SMIM36: variants seen among roughly 807,000 people sequenced by gnomAD.
The protein encoded by SMIM36 is small integral membrane protein 36.
chr17:55,455,819 C>CA (rs1321634523), intron 4 of SMIM36, among the ~76,000 whole-genome samples: 1 of 150,832 alleles, frequency 6.6e-6, no homozygotes, highest in Non-Finnish European at 1.5e-5. Context: ...AACAAACAAA[C>CA]AAAAACAAAA....
At chr17:55,483,646 G>T (rs893456115) in intron 1 of SMIM36, among the ~76,000 whole-genome samples, 5 of 152,098 alleles carry the variant, frequency 3.3e-5, no homozygotes, top group African/African-American at 1.2e-4. Context: ...CCCCAAAACT[G>T]TGTGAACTAA....
intron 1 of SMIM36, among the ~76,000 whole-genome samples, chr17:55,510,404 A>G (rs537276107): frequency 6.6e-6 from 1 of 152,254 alleles, no homozygotes; most frequent in African/African-American, 2.4e-5. Flanking sequence ...CAGGAGTTCA[A>G]TACCAGCCTG....
chr17:55,505,900 A>G (rs530376603), intron 1 of SMIM36, among the ~76,000 whole-genome samples: 2,307 of 99,810 alleles, frequency 0.023, 44 homozygotes, highest in African/African-American at 0.049. Flanking sequence ...AAATAAATGT[A>G]CAAAAATCAC....
intron 1 of SMIM36, among the ~76,000 whole-genome samples, chr17:55,487,979 T>G (rs1909636755): frequency 6.6e-6 from 1 of 152,320 alleles, no homozygotes; most frequent in East Asian, 1.9e-4. Flanking sequence ...TGCTGGAAAC[T>G]TCTGAAAACC....
At chr17:55,501,266 A>AAT (rs1287709436) in intron 1 of SMIM36, among the ~76,000 whole-genome samples, 29 of 41,486 alleles carry the variant, frequency 7.0e-4, no homozygotes, top group African/African-American at 1.2e-3. Context: ...TATATTTTAT[A>AAT]ATATATTATA....
intron 1 of SMIM36, among the ~76,000 whole-genome samples, chr17:55,485,667 T>C (rs1408795161): frequency 6.6e-6 from 1 of 152,386 alleles, no homozygotes; most frequent in Middle Eastern, 3.4e-3. Context: ...ATTTATAGTT[T>C]ATAGAATAAT....
At chr17:55,501,937 C>T (rs1177355461) in intron 1 of SMIM36, among the ~76,000 whole-genome samples, 1 of 147,780 alleles carries the variant, frequency 6.8e-6, no homozygotes, top group African/African-American at 2.5e-5. Context: ...AGGGAGTTCC[C>T]TTTCCGAGTC....
the SMIM36 span, among the ~76,000 whole-genome samples, chr17:55,531,593 G>A: frequency 2.2e-4 from 34 of 152,188 alleles, no homozygotes; most frequent in Admixed American, 1.1e-3. Context: ...AGGTGGACAT[G>A]TTTTTATGTA....
intron 1 of SMIM36, among the ~76,000 whole-genome samples, chr17:55,502,352 T>C (rs1465688086): frequency 9.7e-6 from 1 of 103,506 alleles, no homozygotes; most frequent in Non-Finnish European, 1.9e-5. Flanking sequence ...GAGCAGTGGT[T>C]CTCCCAGCAT....
At chr17:55,463,152 A>G (rs1598447823) in intron 4 of SMIM36, among the ~76,000 whole-genome samples, 1 of 152,172 alleles carries the variant, frequency 6.6e-6, no homozygotes, top group South Asian at 2.1e-4. Flanking sequence ...TGGATACCTT[A>G]AACTTTATGT....
chr17:55,520,660 A>G, the SMIM36 span, among the ~76,000 whole-genome samples: 12 of 152,174 alleles, frequency 7.9e-5, no homozygotes, highest in African/African-American at 2.9e-4. Flanking sequence ...ATGAGATTGC[A>G]TCAGGATGCT....
intron 3 of SMIM36, among the ~76,000 whole-genome samples, chr17:55,472,672 A>G (rs1909359893): frequency 6.6e-6 from 1 of 152,148 alleles, no homozygotes; most frequent in Non-Finnish European, 1.5e-5. Flanking sequence ...GGAGTTCGAG[A>G]CCAACCTGGC....
intron 4 of SMIM36, among the ~76,000 whole-genome samples, chr17:55,461,398 G>A (rs1190794617): frequency 6.6e-6 from 1 of 152,146 alleles, no homozygotes; most frequent in Non-Finnish European, 1.5e-5. Flanking sequence ...GCTATGTACT[G>A]TACAATCCCA....
At chr17:55,459,864 G>T (rs993984026) in intron 4 of SMIM36, among the ~76,000 whole-genome samples, 1 of 152,128 alleles carries the variant, frequency 6.6e-6, no homozygotes, top group African/African-American at 2.4e-5. Context: ...AGGCATGGTG[G>T]CATGTGCCTA....
chr17:55,472,377 T>C (rs770914967), intron 3 of SMIM36, among the ~76,000 whole-genome samples: 17 of 144,516 alleles, frequency 1.2e-4, no homozygotes, highest in Non-Finnish European at 3.0e-5. Context: ...TTAACATTTA[T>C]ACTGACTTCA....
At chr17:55,460,666 G>T (rs1000796479) in intron 4 of SMIM36, among the ~76,000 whole-genome samples, 3 of 152,066 alleles carry the variant, frequency 2.0e-5, no homozygotes, top group Non-Finnish European at 2.9e-5. Flanking sequence ...GACCATCCTG[G>T]CTAAAACGGT....
chr17:55,518,180 G>A, the SMIM36 span, among the ~76,000 whole-genome samples: 1 of 152,310 alleles, frequency 6.6e-6, no homozygotes, highest in African/African-American at 2.4e-5. Context: ...ATGGTAGAAG[G>A]TAAAAGGACA....
chr17:55,468,195 G>C (rs1486995454), intron 3 of SMIM36: 13 of 152,244 alleles, frequency 8.5e-5, no homozygotes, highest in Admixed American at 8.5e-4. Context: ...CAAAGACCTG[G>C]GACAGAAGGA....
At chr17:55,515,655 T>C (rs539214046), upstream of SMIM36, among the ~76,000 whole-genome samples, 26 of 152,166 alleles carry the variant, frequency 1.7e-4, no homozygotes, top group South Asian at 1.7e-3. Flanking sequence ...TTGCAAGCCA[T>C]GGAATGCCAA....
Sources: allele counts gnomAD v4.1 joint callset (sites outside exome capture counted in the v4.1 genomes callset), GRCh38; gene constraint gnomAD v4.1.1; transcripts MANE v1.5; gene names NCBI Gene and HGNC (gene_info 2026-07-23, HGNC 2026-07-21).